Variants in COL1A2 observed in about 807,000 individuals in gnomAD.
COL1A2 encodes the protein collagen type I alpha 2 chain.
A neutral mutation model predicts 174.3 loss-of-function variants in COL1A2; 49 were observed. The ratio of observed to expected loss-of-function variants is 0.28; its 90% CI spans 0.22 to 0.36. The LOEUF (loss-of-function observed/expected upper bound fraction) is 0.36, where lower values mean the gene tolerates loss of function less well. Among genes scored for constraint, COL1A2 ranks in the 10% least tolerant of loss-of-function variants. The pLI, the probability that COL1A2 is intolerant of heterozygous loss-of-function variation, is 1.00. For missense variants in COL1A2, 1,438 were observed against 1,822.7 expected, an observed-to-expected ratio of 0.79 and a Z score of 3.84; for synonymous variants, 655 against 606.6, an observed-to-expected ratio of 1.08 and a Z score of -1.17.
In COL1A2 at chr7:94,414,287, AAGTAATAGTAAGT is replaced by A. The variant is rs1791992829; in HGVS notation, c.1719+18_1719+30del. On this transcript the variant is annotated intron_variant, in intron 29 of 51. Coordinates refer to ENST00000297268, the MANE Select transcript of COL1A2 (RefSeq NM_000089.4). ...AACCAGGAGAAAGGGTGAGTAAAAC[AAGTAATAGTAAGT>A]AGTAACTACTAAACTTGAGAATTTC... 6.2e-7 allele frequency: 1 copy of A among 1,612,074 alleles called. No individual in the cohort carries two copies. Among genetic ancestry groups the A allele is most frequent in the Non-Finnish European group, 8.5e-7 (1 of 1,178,234 alleles).
chr7:94,417,674 C>T, intron 31 of COL1A2, 50 bp from the exon 32 acceptor site: 2 of 1,458,482 alleles, frequency 1.4e-6, no homozygotes, highest in Non-Finnish European at 1.9e-6. Flanking sequence ...TTTGATTCTT[C>T]ATTTTCTTCT....
At chr7:94,395,520 C>T in intron 1 of COL1A2, 1 of 334,230 alleles carries the variant, frequency 3.0e-6, no homozygotes, top group South Asian at 2.4e-5. Context: ...AGCCCTTCAA[C>T]TGAGTAATGT....
At chr7:94,405,819 C>T in intron 11 of COL1A2, 93 bp downstream of exon 11, 4 of 1,013,014 alleles carry the variant, frequency 3.9e-6, no homozygotes, top group Non-Finnish European at 6.3e-6. Flanking sequence ...CATATACTCA[C>T]TTTCAAATCC....
Position 94,427,190 on chromosome 7 carries a change from C to T in COL1A2, c.3162C>T (p.Gly1054=). Reference sequence around the variant, plus strand: ...TACCTGGTGTCTGTCTTCCTTAGGGCCCTGCTGGTCCTTCTGGCCCTGCTG... The same window carrying T: ...TACCTGGTGTCTGTCTTCCTTAGGGTCCTGCTGGTCCTTCTGGCCCTGCTG... ...PGSVGPAGPR[G]PAGPSGPAGK... is the part of the protein sequence containing the mutation. The change falls in exon 48 of 52, where the codon GGC becomes GGT. Residue 1054 remains glycine (G), a splice_region_variant and synonymous_variant. Transcript: ENST00000297268. 3 of 1,613,870 alleles carry T rather than the reference C, an allele frequency of 1.9e-6. No individual in the cohort carries two copies. The highest frequency in any genetic ancestry group is 2.5e-6 in the Non-Finnish European group (3 of 1,179,888).
chr7:94,420,703 TA>T, intron 37 of COL1A2, 55 bp downstream of exon 37: 1 of 1,446,842 alleles, frequency 6.9e-7, no homozygotes, highest in South Asian at 1.2e-5. Flanking sequence ...ATCTTCCAAT[TA>T]AATATATATC....
intron 48 of COL1A2, 61 bp from the exon 49 acceptor site, chr7:94,427,566 A>G: frequency 3.1e-6 from 5 of 1,588,998 alleles, no homozygotes; most frequent in Non-Finnish European, 4.3e-6. Context: ...ATCTGCTGCC[A>G]TGGATGTCTC....
chr7:94,427,651 C>G lies in COL1A2; in HGVS notation c.3292C>G (p.Pro1098Ala). 6.2e-7 allele frequency: 1 copy of G among 1,614,128 alleles called. No homozygotes were observed. Among genetic ancestry groups the G allele is most frequent in the Non-Finnish European group, 8.5e-7 (1 of 1,180,018 alleles). The change falls in exon 49 of 52, where the codon CCT (proline) becomes GCT (alanine). Residue 1098 changes from proline to alanine, a missense_variant. Physicochemically the swap from Pro to Ala is conservative, Grantham distance 27. Coordinates refer to ENST00000297268, the MANE Select transcript of COL1A2 (RefSeq NM_000089.4). ...GGGCCCCCCTGGTCCCCCTGGCCCT[C>G]CTGGACCTCCAGGTGTAAGCGGTGG... ...PAGPPGPPGP[P>A]GPPGVSGGGY... is the part of the protein sequence containing the mutation.
At chr7:94,407,072 C>T (rs1791817757) in intron 12 of COL1A2, among the ~76,000 whole-genome samples, 1 of 152,078 alleles carries the variant, frequency 6.6e-6, no homozygotes, top group South Asian at 2.1e-4. Flanking sequence ...CTGCAAGGAG[C>T]TTTGGAGACC....
rs1792255221 is a variant in COL1A2 at position 94,425,570 on chromosome 7, A to C, written c.2782-40A>C. 1.9e-6 allele frequency: 3 copies of C among 1,601,582 alleles called. No individual in the cohort carries two copies. In the African/African-American group the frequency reaches 4.0e-5, roughly 21 times the overall value. ...CAACATAGGGGCTGGTAGGCAGCAG[A>C]GCCTCACCAACAGCCTTAATTTGTG... On this transcript the variant is annotated intron_variant, in intron 42 of 51. Transcript: ENST00000297268.
intron 25 of COL1A2, 108 bp from the exon 26 acceptor site, chr7:94,412,975 C>G (rs970241306): frequency 2.7e-6 from 3 of 1,122,716 alleles, no homozygotes; most frequent in African/African-American, 1.5e-5. Context: ...CTAGGGATCT[C>G]AAAAGAACAC....
intron 45 of COL1A2, 112 bp downstream of exon 45, chr7:94,426,163 A>G: frequency 7.6e-6 from 8 of 1,055,092 alleles, no homozygotes; most frequent in Non-Finnish European, 1.2e-5. Context: ...TTTTTTAAAA[A>G]TTTCAGTCCA....
chr7:94,394,947 G>A lies in COL1A2; in HGVS notation c.-85G>A. 2 of 1,146,410 alleles carry A rather than the reference G, an allele frequency of 1.7e-6. No individual in the cohort carries two copies. The highest frequency in any genetic ancestry group is 2.6e-6 in the Non-Finnish European group (2 of 755,934). 71.0% of individuals were successfully genotyped at this position (1,146,410 alleles called of 1,614,324 possible). On this transcript the variant is annotated 5_prime_UTR_variant, in exon 1 of 52. Coordinates refer to ENST00000297268, the MANE Select transcript of COL1A2 (RefSeq NM_000089.4). ...TAAGTTGGAGGTACTGGCCACGACT[G>A]CATGCCCGCGCCCGCCAGGTGATAC...
At chr7:94,422,620 C>A in intron 39 of COL1A2, 1 of 223,808 alleles carries the variant, frequency 4.5e-6, no homozygotes, top group Non-Finnish European at 8.8e-6. Context: ...TCCTTCGAAA[C>A]TCAGAGTCCC....
intron 45 of COL1A2, 70 bp downstream of exon 45, chr7:94,426,121 G>T: frequency 7.2e-7 from 1 of 1,391,560 alleles, no homozygotes; most frequent in Non-Finnish European, 1.0e-6. Flanking sequence ...CATCTGTTAA[G>T]AAAATAAACA....
At chr7:94,399,233 A>G (rs879927088) in intron 4 of COL1A2, 149 bp downstream of exon 4, 4 of 681,388 alleles carry the variant, frequency 5.9e-6, no homozygotes, top group Non-Finnish European at 7.6e-6. Context: ...GAAGAAGCGA[A>G]TGAGCATTAT....
chr7:94,430,180 AG>A, intron 51 of COL1A2, 66 bp from the exon 52 acceptor site: 1 of 1,482,994 alleles, frequency 6.7e-7, no homozygotes, highest in Non-Finnish European at 9.4e-7. Flanking sequence ...ATTAAATCAA[AG>A]GTTCAGATAT....
chr7:94,424,625 C>A (rs1323620641), intron 41 of COL1A2, 182 bp downstream of exon 41: 4 of 605,610 alleles, frequency 6.6e-6, no homozygotes, highest in Non-Finnish European at 1.2e-5. Context: ...CTTAGACACA[C>A]ACTATAAAGA....
Position 94,404,772 on chromosome 7 carries a change from A to G in COL1A2, c.378+26A>G, listed in dbSNP as rs763980453. On this transcript the variant is annotated intron_variant, in intron 8 of 51. Coordinates refer to ENST00000297268, the MANE Select transcript of COL1A2 (RefSeq NM_000089.4). Reference sequence around the variant, plus strand: ...GTGAGTACATTTTTCCACCTTTGTGATAAGTTTTTTTCCAGGAAGTTTATG... The same window carrying G: ...GTGAGTACATTTTTCCACCTTTGTGGTAAGTTTTTTTCCAGGAAGTTTATG... 1.9e-6 allele frequency: 3 copies of G among 1,613,916 alleles called. No homozygotes were observed.
At chr7:94,406,413 A>AT (rs193922172) in intron 12 of COL1A2, 110 bp downstream of exon 12, 29 of 1,015,248 alleles carry the variant, frequency 2.9e-5, no homozygotes, top group Non-Finnish European at 4.2e-5. Context: ...AAGTATTTTT[A>AT]TTTTTTTTCT....
Sources: gnomAD v4.1 joint callset for allele counts (sites outside exome capture counted in the v4.1 genomes callset) on GRCh38, gnomAD v4.1.1 for gene constraint, MANE v1.5 for transcripts, NCBI Gene and HGNC (gene_info 2026-07-23, HGNC 2026-07-21) for gene names.